The following SCCPDH variants were observed in gnomAD, a reference collection of about 807,000 sequenced individuals.
The protein encoded by SCCPDH is saccharopine dehydrogenase-like oxidoreductase.
SCCPDH carries 34 observed loss-of-function variants against 51.5 expected under a neutral mutation model. The observed-to-expected ratio is 0.66, with a 90% CI of 0.50 to 0.88. The LOEUF is 0.88. SCCPDH is among the 40% of genes least tolerant of loss of function. The pLI is 0.00. For synonymous variants in SCCPDH, 187 were observed against 191.3 expected, an observed-to-expected ratio of 0.98 and a Z score of 0.19; for missense variants, 464 against 527.1, an observed-to-expected ratio of 0.88 and a Z score of 1.17.
At chr1:246,756,650 A>G (rs1668936628) in intron 5 of SCCPDH, among the ~76,000 whole-genome samples, 1 of 152,206 alleles carries the variant, frequency 6.6e-6, no homozygotes. Flanking sequence ...GCTCAGATTG[A>G]GTAGATAACA....
At chr1:246,746,438 G>A (rs922186484) in intron 5 of SCCPDH, among the ~76,000 whole-genome samples, 6 of 152,192 alleles carry the variant, frequency 3.9e-5, no homozygotes, top group African/African-American at 1.2e-4. Context: ...ACGCGGCGCC[G>A]GGCTGTCTGC....
chr1:246,747,978 AT>A (rs1334935220), intron 5 of SCCPDH, among the ~76,000 whole-genome samples: 1 of 152,216 alleles, frequency 6.6e-6, no homozygotes, highest in Non-Finnish European at 1.5e-5. Flanking sequence ...CTCAGGACTC[AT>A]TGTACGTAAC....
At chr1:246,758,957 G>T in intron 6 of SCCPDH, 77 bp from the exon 7 acceptor site, 1 of 864,196 alleles carries the variant, frequency 1.2e-6, no homozygotes, top group South Asian at 1.3e-5. Flanking sequence ...CCCTGCCACT[G>T]ATTTGCTTAT....
At chr1:246,744,357 C>T (rs560509981) in intron 5 of SCCPDH, among the ~76,000 whole-genome samples, 154 of 152,080 alleles carry the variant, frequency 1.0e-3, no homozygotes, top group Non-Finnish European at 1.8e-3. Context: ...ACGCTCTTGT[C>T]GCCCAGGCTG....
intron 5 of SCCPDH, among the ~76,000 whole-genome samples, chr1:246,749,649 A>T (rs1183615880): frequency 1.3e-5 from 2 of 152,166 alleles, no homozygotes; most frequent in African/African-American, 4.8e-5. Flanking sequence ...TGCAAGTACT[A>T]GTTGGGGCCG....
At chr1:246,726,299 G>A (rs986913347) in intron 1 of SCCPDH, among the ~76,000 whole-genome samples, 4 of 150,398 alleles carry the variant, frequency 2.7e-5, no homozygotes, top group Non-Finnish European at 3.0e-5. Context: ...GTACAGTGGC[G>A]TGATCACAGC....
At chr1:246,767,151 G>A in intron 11 of SCCPDH, 44 bp from the exon 12 acceptor site, 1 of 1,375,360 alleles carries the variant, frequency 7.3e-7, no homozygotes, top group Non-Finnish European at 1.0e-6. Flanking sequence ...TAGGAGACTG[G>A]AGAGGAGCTG....
At chr1:246,749,717 C>T (rs572665154) in intron 5 of SCCPDH, among the ~76,000 whole-genome samples, 27 of 152,340 alleles carry the variant, frequency 1.8e-4, no homozygotes, top group African/African-American at 6.3e-4. Context: ...CAGAGAAGCT[C>T]TGCTCTAGGA....
chr1:246,738,426 G>A (rs1269994864), intron 3 of SCCPDH, among the ~76,000 whole-genome samples: 9 of 149,318 alleles, frequency 6.0e-5, no homozygotes, highest in African/African-American at 2.0e-4. Flanking sequence ...CAAGAGAATC[G>A]CTTGAACCTG....
intron 5 of SCCPDH, among the ~76,000 whole-genome samples, chr1:246,746,703 T>C (rs1668767099): frequency 6.6e-6 from 1 of 152,140 alleles, no homozygotes; most frequent in East Asian, 1.9e-4. Flanking sequence ...TAGCCAGGCA[T>C]GGTGGCACAT....
At chr1:246,731,038 C>A (rs1668483470) in intron 2 of SCCPDH, among the ~76,000 whole-genome samples, 1 of 152,092 alleles carries the variant, frequency 6.6e-6, no homozygotes, top group Admixed American at 6.6e-5. Flanking sequence ...CAAGCCTGGG[C>A]AGCAAGAATG....
chr1:246,761,638 A>G (rs1669017566), intron 9 of SCCPDH, among the ~76,000 whole-genome samples: 1 of 152,186 alleles, frequency 6.6e-6, no homozygotes, highest in African/African-American at 2.4e-5. Flanking sequence ...CCTCATGTAA[A>G]TGGAATCAGT....
At chr1:246,726,084 G>A (rs957307720) in intron 1 of SCCPDH, among the ~76,000 whole-genome samples, 4 of 151,958 alleles carry the variant, frequency 2.6e-5, no homozygotes, top group Non-Finnish European at 5.9e-5. Flanking sequence ...GTCTCGATCT[G>A]CTGACCTCGT....
At chr1:246,763,785 T>C (rs1196316035) in intron 9 of SCCPDH, among the ~76,000 whole-genome samples, 1 of 152,202 alleles carries the variant, frequency 6.6e-6, no homozygotes, top group Non-Finnish European at 1.5e-5. Flanking sequence ...TATCACCTCA[T>C]TCCTAAATTT....
At chr1:246,726,424 G>A (rs1294807374) in intron 1 of SCCPDH, among the ~76,000 whole-genome samples, 1 of 150,462 alleles carries the variant, frequency 6.6e-6, no homozygotes, top group Admixed American at 6.6e-5. Context: ...TTTTAGTAGA[G>A]ACAAGGTCTT....
At chr1:246,762,369 G>T (rs1213240085) in intron 9 of SCCPDH, among the ~76,000 whole-genome samples, 1 of 152,152 alleles carries the variant, frequency 6.6e-6, no homozygotes, top group Admixed American at 6.5e-5. Context: ...GGTTGGTAGT[G>T]CAGGCTTCCA....
intron 5 of SCCPDH, among the ~76,000 whole-genome samples, chr1:246,752,702 T>C (rs1377268403): frequency 1.3e-5 from 2 of 152,166 alleles, no homozygotes; most frequent in Admixed American, 6.5e-5. Context: ...GAATGTGTTC[T>C]TTGTCTGCGG....
At chr1:246,761,788 A>G (rs988606344) in intron 9 of SCCPDH, among the ~76,000 whole-genome samples, 2 of 152,254 alleles carry the variant, frequency 1.3e-5, no homozygotes, top group African/African-American at 2.4e-5. Flanking sequence ...GTATCCATTC[A>G]TTCATCAGTG....
chr1:246,725,789 C>T (rs1668389244), intron 1 of SCCPDH, among the ~76,000 whole-genome samples: 1 of 152,172 alleles, frequency 6.6e-6, no homozygotes, highest in East Asian at 1.9e-4. Context: ...AGTCACTTAT[C>T]ATATATAATG....
Sources: allele counts gnomAD v4.1 joint callset (sites outside exome capture counted in the v4.1 genomes callset), GRCh38; gene constraint gnomAD v4.1.1; transcripts MANE v1.5; gene names NCBI Gene and HGNC (gene_info 2026-07-23, HGNC 2026-07-21).